Variants in KIF3B observed in about 807,000 individuals in gnomAD.
KIF3B encodes the protein kinesin family member 3B.
KIF3B carries 38 observed loss-of-function variants against 74.3 expected under a neutral mutation model. That is an observed-to-expected ratio of 0.51 (90% confidence interval 0.39 to 0.67). The LOEUF (loss-of-function observed/expected upper bound fraction) is 0.67, where lower values mean the gene tolerates loss of function less well. KIF3B is among the 30% of genes least tolerant of loss of function. KIF3B has a pLI of 0.00. For synonymous variants in KIF3B, 326 were observed against 342.5 expected (o/e 0.95, Z 0.53); for missense variants, 649 against 932.0 (o/e 0.70, Z 3.95).
intron 1 of KIF3B, among the ~76,000 whole-genome samples, chr20:32,292,950 C>A (rs568300156): frequency 6.6e-6 from 1 of 152,236 alleles, no homozygotes; most frequent in Admixed American, 6.5e-5. Context: ...CAATAAGGGA[C>A]TGACTGATCA....
intron 1 of KIF3B, among the ~76,000 whole-genome samples, chr20:32,299,410 T>A (rs1338418507): frequency 5.0e-5 from 5 of 100,310 alleles, no homozygotes; most frequent in South Asian, 3.4e-4. Context: ...TATATTTTTT[T>A]TTTTTTTTTT....
chr20:32,280,555 G>GAA (rs11167164), intron 1 of KIF3B, among the ~76,000 whole-genome samples: 17 of 147,656 alleles, frequency 1.2e-4, no homozygotes, highest in Admixed American at 3.4e-4. Context: ...TCTACTAAAA[G>GAA]AAAAAAAAAA....
At chr20:32,327,481 G>C in intron 6 of KIF3B, 75 bp from the exon 7 acceptor site, 1 of 1,215,346 alleles carries the variant, frequency 8.2e-7, no homozygotes, top group Non-Finnish European at 1.2e-6. Context: ...ACTTGCTTCA[G>C]GTTCTGTCAG....
intron 2 of KIF3B, among the ~76,000 whole-genome samples, chr20:32,315,811 G>A (rs17123165): frequency 0.052 from 7,864 of 152,124 alleles, 280 homozygotes; most frequent in Non-Finnish European, 0.074. Flanking sequence ...GGCATCTGGC[G>A]CCATATGGTT....
At chr20:32,292,981 G>T (rs575661427) in intron 1 of KIF3B, among the ~76,000 whole-genome samples, 2 of 152,010 alleles carry the variant, frequency 1.3e-5, no homozygotes, top group Non-Finnish European at 2.9e-5. Flanking sequence ...TTGGCTGGGC[G>T]CAGTGGCTCA....
chr20:32,301,353 CTG>C (rs890558775), intron 1 of KIF3B, among the ~76,000 whole-genome samples: 1 of 151,858 alleles, frequency 6.6e-6, no homozygotes, highest in African/African-American at 2.4e-5. Flanking sequence ...GTGTGAGTCA[CTG>C]TGCCCAGCCC....
Position 32,316,790 on chromosome 20 carries a change from T to C in KIF3B, c.1664T>C (p.Ile555Thr). 1 of 1,614,026 alleles carries C rather than the reference T, an allele frequency of 6.2e-7. No homozygotes were observed. Among genetic ancestry groups the C allele is most frequent in the Non-Finnish European group, 8.5e-7 (1 of 1,180,000 alleles). Residue 555 changes from isoleucine to threonine, a missense_variant, in exon 5 of 9, where the codon ATC becomes ACC. Ile to Thr is a moderately conservative substitution (Grantham distance 89). Transcript: ENST00000375712. ...AAGCTTCAGGCAGTGAAGGCTGAGA[T>C]CCATGACCTCCAAGAAGAACACATC... ...FSKLQAVKAE[I>T]HDLQEEHIKE...
chr20:32,315,931 T>C (rs2047825058), intron 2 of KIF3B, among the ~76,000 whole-genome samples: 1 of 151,750 alleles, frequency 6.6e-6, no homozygotes, highest in East Asian at 1.9e-4. Context: ...ATGTTCTAAG[T>C]GGGGTTAATA....
intron 1 of KIF3B, among the ~76,000 whole-genome samples, chr20:32,305,924 T>G (rs2047768174): frequency 6.6e-6 from 1 of 151,568 alleles, no homozygotes; most frequent in African/African-American, 2.4e-5. Context: ...ATTTATTGAT[T>G]GATTTTGTAT....
chr20:32,296,627 G>C (rs2047718599), intron 1 of KIF3B, among the ~76,000 whole-genome samples: 1 of 152,052 alleles, frequency 6.6e-6, no homozygotes, highest in Non-Finnish European at 1.5e-5. Flanking sequence ...ATAATGAAAA[G>C]TTTCTCTTCT....
At chr20:32,323,109 TA>T (rs1483653667) in intron 5 of KIF3B, among the ~76,000 whole-genome samples, 5 of 127,010 alleles carry the variant, frequency 3.9e-5, no homozygotes, top group Admixed American at 3.0e-4. Context: ...TATTTATATA[TA>T]TTTATATATT....
chr20:32,289,123 G>T (rs1331818529), intron 1 of KIF3B, among the ~76,000 whole-genome samples: 2 of 151,466 alleles, frequency 1.3e-5, no homozygotes, highest in Non-Finnish European at 2.9e-5. Flanking sequence ...AGTGGTGAGA[G>T]CTATTCCCTT....
At chr20:32,323,858 A>G (rs1401921332) in intron 5 of KIF3B, among the ~76,000 whole-genome samples, 1 of 152,084 alleles carries the variant, frequency 6.6e-6, no homozygotes, top group Non-Finnish European at 1.5e-5. Context: ...AGCTGGGGCA[A>G]CAAGAGCGAA....
chr20:32,306,581 C>CTTT (rs935086574), intron 1 of KIF3B, among the ~76,000 whole-genome samples: 21 of 82,842 alleles, frequency 2.5e-4, no homozygotes, highest in Non-Finnish European at 3.5e-4. Flanking sequence ...AGTTTTTCCT[C>CTTT]TTTTTTTTTT....
chr20:32,318,742 A>T (rs552947014), intron 5 of KIF3B, among the ~76,000 whole-genome samples: 1 of 152,130 alleles, frequency 6.6e-6, no homozygotes, highest in South Asian at 2.1e-4. Flanking sequence ...ATACATTCCG[A>T]TTATTTCTAG....
intron 2 of KIF3B, 87 bp downstream of exon 2, chr20:32,311,268 G>GAGACATCATCCCTCATAT: frequency 7.2e-7 from 1 of 1,382,924 alleles, no homozygotes; most frequent in Non-Finnish European, 9.6e-7. Flanking sequence ...AACCATATGA[G>GAGACATCATCCCTCATAT]GGATGATGTC....
chr20:32,319,798 C>T (rs2047850102), intron 5 of KIF3B, among the ~76,000 whole-genome samples: 1 of 151,206 alleles, frequency 6.6e-6, no homozygotes, highest in Non-Finnish European at 1.5e-5. Context: ...GTTGCCCAGG[C>T]TGGTCTTGAA....
chr20:32,288,342 T>C (rs1045742381), intron 1 of KIF3B, among the ~76,000 whole-genome samples: 7 of 151,994 alleles, frequency 4.6e-5, no homozygotes, highest in African/African-American at 1.7e-4. Flanking sequence ...TATGAAAATT[T>C]ACCCGGGTGC....
At position 32,330,311 on chromosome 20, in the gene KIF3B, C is replaced by G; in HGVS notation, c.2139C>G (p.Ser713=). The change falls in exon 8 of 9, where the codon TCC becomes TCG. Residue 713 remains serine, a synonymous_variant. Transcript: ENST00000375712. ...SSFESTANKK[S]KARPKSGRKS... ...TTGAAAGCACTGCAAATAAGAAATC[C>G]AAGGCCAGGTGAGTGGCTTTGATGA... is the stretch of plus-strand genomic sequence containing the variant. The G allele has an allele frequency of 6.2e-7, 1 of 1,613,680 alleles. No individual in the cohort carries two copies.
Sources: gnomAD v4.1 joint callset for allele counts (sites outside exome capture counted in the v4.1 genomes callset) on GRCh38, gnomAD v4.1.1 for gene constraint, MANE v1.5 for transcripts, NCBI Gene and HGNC (gene_info 2026-07-23, HGNC 2026-07-21) for gene names.